RBM27: variants seen among roughly 807,000 people sequenced by gnomAD.
RBM27 encodes RNA-binding protein 27.
A neutral mutation model predicts 135.3 loss-of-function variants in RBM27; 22 were observed. The observed-to-expected ratio is 0.16, with a 90% CI of 0.12 to 0.23. The LOEUF (loss-of-function observed/expected upper bound fraction) is 0.23, where lower values mean the gene tolerates loss of function less well. Among genes scored for constraint, RBM27 ranks in the 10% least tolerant of loss-of-function variants. RBM27 has a pLI of 1.00. For synonymous variants in RBM27, 481 were observed against 442.4 expected (o/e 1.09, Z -1.10); for missense variants, 1,009 against 1,281.0 (o/e 0.79, Z 3.24).
At chr5:146,242,906 T>A (rs1013537129) in intron 8 of RBM27, among the ~76,000 whole-genome samples, 1 of 152,132 alleles carries the variant, frequency 6.6e-6, no homozygotes, top group Non-Finnish European at 1.5e-5. Context: ...CCTCAGTTTT[T>A]AATATCTTTC....
chr5:146,214,645 C>G (rs1309948988), intron 1 of RBM27, among the ~76,000 whole-genome samples: 1 of 152,096 alleles, frequency 6.6e-6, no homozygotes, highest in Non-Finnish European at 1.5e-5. Flanking sequence ...AATTACAGCA[C>G]AAAACTTCCC....
chr5:146,283,056 GT>G (rs1484871603), intron 19 of RBM27, among the ~76,000 whole-genome samples: 6 of 152,054 alleles, frequency 3.9e-5, no homozygotes, highest in Non-Finnish European at 7.4e-5. Context: ...GAGCAACACA[GT>G]TATTACAGAT....
At chr5:146,232,181 A>G (rs1756964166) in intron 6 of RBM27, among the ~76,000 whole-genome samples, 1 of 152,186 alleles carries the variant, frequency 6.6e-6, no homozygotes, top group Non-Finnish European at 1.5e-5. Context: ...TGTGGCCTGT[A>G]TTATTTCAAG....
intron 10 of RBM27, among the ~76,000 whole-genome samples, chr5:146,257,232 G>C (rs1383265829): frequency 6.6e-6 from 1 of 152,174 alleles, no homozygotes; most frequent in African/African-American, 2.4e-5. Context: ...GTTATTCTTT[G>C]CTTGGTGGAG....
chr5:146,284,523 C>T, intron 19 of RBM27, 99 bp from the exon 20 acceptor site: 1 of 785,226 alleles, frequency 1.3e-6, no homozygotes, highest in Non-Finnish European at 2.2e-6. Context: ...ACAGATTTCT[C>T]TCCTGCCCTA....
rs116224654 is a variant in RBM27, at chr5:146,268,740, T to C, written c.2452-467T>C. 5.6e-3 allele frequency among the ~76,000 whole-genome samples: 855 copies of C among 152,172 alleles called. 10 individuals are homozygous for C. The highest frequency in any genetic ancestry group is 0.02 in the African/African-American group (825 of 41,526). ...TGAGTAGGCATGTGCCACCATGCCC[T>C]GGCTAATTTTGTTCATTTTTTTGTA... On this transcript the variant is annotated intron_variant, in intron 15 of 20. Coordinates refer to ENST00000265271, the MANE Select transcript of RBM27 (RefSeq NM_018989.2).
At chr5:146,255,249 T>A (rs912721842) in intron 10 of RBM27, among the ~76,000 whole-genome samples, 157 bp downstream of exon 10, 12 of 152,234 alleles carry the variant, frequency 7.9e-5, no homozygotes, top group South Asian at 4.1e-4. Flanking sequence ...TCAGATTTTT[T>A]AAATAACTTT....
chr5:146,274,707 T>C (rs1581237479), intron 19 of RBM27, among the ~76,000 whole-genome samples: 1 of 152,200 alleles, frequency 6.6e-6, no homozygotes, highest in African/African-American at 2.4e-5. Flanking sequence ...CAGGTACTTA[T>C]ATGAAAGGTA....
Position 146,237,580 on chromosome 5 carries a change from G to A in RBM27, c.1279+148G>A, listed in dbSNP as rs886727926. Reference sequence around the variant, plus strand: ...TTGTGTTTACAATACAGTTTATCGTGTGTTTCTGCTATATAGCCACATTTT... The same window carrying A: ...TTGTGTTTACAATACAGTTTATCGTATGTTTCTGCTATATAGCCACATTTT... On this transcript the variant is annotated intron_variant, in intron 8 of 20. Transcript: ENST00000265271. The A allele has an allele frequency of 4.2e-6, 4 of 961,294 alleles. No homozygotes were observed. In the African/African-American group the frequency reaches 5.0e-5, roughly 12 times the overall value. 59.5% of individuals were successfully genotyped at this position (961,294 alleles called of 1,614,324 possible). A position where few individuals can be genotyped will look rare whatever the true frequency, so the allele number is the denominator to read the frequency against.
At chr5:146,230,981 A>G in intron 6 of RBM27, 64 bp downstream of exon 6, 1 of 1,500,672 alleles carries the variant, frequency 6.7e-7, no homozygotes, top group African/African-American at 1.4e-5. Context: ...TGTTGCATAT[A>G]TTGCATATCT....
At position 146,286,138 on chromosome 5, in the gene RBM27, T is replaced by G. The variant is rs1759572314; in HGVS notation, c.*108T>G. On this transcript the variant is annotated 3_prime_UTR_variant, in exon 21 of 21. Coordinates refer to ENST00000265271, the MANE Select transcript of RBM27 (RefSeq NM_018989.2). ...CAAAAAAAATTTTTTTATTTTTCTT[T>G]TCAACACAGTAGGTTCAAGAACAGC... is the stretch of plus-strand genomic sequence containing the variant. 1 of 826,422 alleles carries G rather than the reference T, an allele frequency of 1.2e-6. No homozygotes were observed. Among genetic ancestry groups the G allele is most frequent in the Non-Finnish European group, 1.9e-6 (1 of 536,498 alleles). 51.2% of individuals were successfully genotyped at this position (826,422 alleles called of 1,614,324 possible).
At chr5:146,272,411 T>G (rs2126888303) in intron 19 of RBM27, among the ~76,000 whole-genome samples, 1 of 152,206 alleles carries the variant, frequency 6.6e-6, no homozygotes, top group East Asian at 1.9e-4. Context: ...AGGAAGTATT[T>G]TCAGTCCTAT....
At chr5:146,249,683 C>CAAAA (rs1209651197) in intron 8 of RBM27, among the ~76,000 whole-genome samples, 2 of 37,180 alleles carry the variant, frequency 5.4e-5, no homozygotes, top group African/African-American at 9.6e-5. Context: ...GTGAGACTCT[C>CAAAA]AAAAAAAAAA....
chr5:146,242,755 G>A lies in RBM27; in HGVS notation c.1279+5323G>A, dbSNP rs146126066. ...ATTACAGGCACATGCCACCAAGCCC[G>A]GCTAATTTTTTTTTGTATTTTTAGT... On this transcript the variant is annotated intron_variant, in intron 8 of 20. Transcript: ENST00000265271. 5.3e-5 allele frequency among the ~76,000 whole-genome samples: 8 copies of A among 151,856 alleles called. No homozygotes were observed. The East Asian group carries it at 9.8e-4, about 19-fold the overall frequency.
At chr5:146,249,131 G>A (rs1026566775) in intron 8 of RBM27, among the ~76,000 whole-genome samples, 6 of 151,780 alleles carry the variant, frequency 4.0e-5, no homozygotes, top group East Asian at 2.0e-4. Flanking sequence ...ACAGCTGTGC[G>A]CCACCATGCA....
At chr5:146,224,732 C>T (rs1219408519) in intron 3 of RBM27, among the ~76,000 whole-genome samples, 4 of 151,904 alleles carry the variant, frequency 2.6e-5, no homozygotes, top group Admixed American at 6.6e-5. Flanking sequence ...ACCCATATGA[C>T]GTCTATCTAG....
At position 146,284,685 on chromosome 5, in the gene RBM27, G is replaced by T. The variant is rs765846013; in HGVS notation, c.3052G>T (p.Val1018Leu). The T allele has an allele frequency of 6.8e-6, 11 of 1,613,334 alleles. No individual in the cohort carries two copies. Among genetic ancestry groups the T allele is most frequent in the Non-Finnish European group, 9.3e-6 (11 of 1,179,620 alleles). Residue 1018 changes from valine to leucine, a missense_variant, in exon 20 of 21, where the codon GTA (valine) becomes TTA (leucine). Val to Leu is a conservative substitution (Grantham distance 32). Coordinates refer to ENST00000265271, the MANE Select transcript of RBM27 (RefSeq NM_018989.2). Reference protein sequence around the residue: ...RLQISWHKPKVPSISTETEEE... With the variant: ...RLQISWHKPKLPSISTETEEE... ...ACAGATATCATGGCACAAGCCCAAG[G>T]TACCATCTATATCCACTGAGACTGA...
intron 4 of RBM27, 75 bp from the exon 5 acceptor site, chr5:146,229,642 G>A (rs547806384): frequency 7.9e-7 from 1 of 1,269,446 alleles, no homozygotes; most frequent in African/African-American, 1.5e-5. Context: ...CTCAAGAGTA[G>A]TATTTATACT....
At position 146,240,326 on chromosome 5, in the gene RBM27, G is replaced by GTCTA. The variant is rs1344609231; in HGVS notation, c.1279+2897_1279+2898insATCT. 2.6e-5 allele frequency among the ~76,000 whole-genome samples: 4 copies of GTCTA among 150,970 alleles called. No homozygotes were observed. In the East Asian group the frequency reaches 5.8e-4, roughly 22 times the overall value. ...TGTCTGTCTGTCTGTCTGTCTGTCT[G>GTCTA]TCTGTCTATCTGTCTGTCTATCTAG... On this transcript the variant is annotated intron_variant, in intron 8 of 20. Transcript: ENST00000265271.
Sources: allele counts gnomAD v4.1 joint callset (sites outside exome capture counted in the v4.1 genomes callset), GRCh38; gene constraint gnomAD v4.1.1; transcripts MANE v1.5; gene names NCBI Gene and HGNC (gene_info 2026-07-23, HGNC 2026-07-21).